Variants in GPC5 observed in about 807,000 individuals in gnomAD.
The protein encoded by GPC5 is glypican-5.
GPC5 carries 47 observed loss-of-function variants against 53.9 expected under a neutral mutation model. The observed-to-expected ratio is 0.87, with a 90% CI of 0.69 to 1.11. The LOEUF (loss-of-function observed/expected upper bound fraction) is 1.11, where lower values mean the gene tolerates loss of function less well. GPC5 is among the 50% of genes most tolerant of loss of function. GPC5 has a pLI of 0.00. For missense variants in GPC5, 748 were observed against 713.1 expected, an observed-to-expected ratio of 1.05 and a Z score of -0.56; for synonymous variants, 286 against 263.3, an observed-to-expected ratio of 1.09 and a Z score of -0.84.
intron 2 of GPC5, among the ~76,000 whole-genome samples, chr13:91,580,574 A>T (rs1448211214): frequency 6.6e-6 from 1 of 152,110 alleles, no homozygotes; most frequent in African/African-American, 2.4e-5. Context: ...CTTTACTTAC[A>T]TCATAAGCAG....
At chr13:91,532,730 G>T (rs1405182744) in intron 2 of GPC5, among the ~76,000 whole-genome samples, 5 of 151,970 alleles carry the variant, frequency 3.3e-5, no homozygotes, top group Non-Finnish European at 5.9e-5. Context: ...AGCCAGCATG[G>T]TGGTGCGCAC....
intron 5 of GPC5, among the ~76,000 whole-genome samples, chr13:91,886,575 A>C (rs1349825916): frequency 6.6e-6 from 1 of 152,208 alleles, no homozygotes; most frequent in East Asian, 1.9e-4. Flanking sequence ...AAGCCTGTAA[A>C]ACTGAAAGCA....
intron 2 of GPC5, among the ~76,000 whole-genome samples, chr13:91,613,353 C>T (rs992342881): frequency 9.9e-5 from 15 of 152,078 alleles, no homozygotes; most frequent in East Asian, 5.8e-4. Flanking sequence ...TTTATAAAAC[C>T]GTCAGATTTA....
chr13:92,460,308 A>G (rs1277621929), intron 7 of GPC5, among the ~76,000 whole-genome samples: 1 of 152,174 alleles, frequency 6.6e-6, no homozygotes, highest in Non-Finnish European at 1.5e-5. Flanking sequence ...ACTAAAATCA[A>G]TGTATTTTAA....
chr13:91,630,141 G>C (rs531094678), intron 2 of GPC5, among the ~76,000 whole-genome samples: 1 of 152,222 alleles, frequency 6.6e-6, no homozygotes, highest in South Asian at 2.1e-4. Context: ...ATTAGGGACT[G>C]TATTAATATT....
intron 5 of GPC5, among the ~76,000 whole-genome samples, chr13:91,801,061 T>G (rs753639039): frequency 6.6e-5 from 10 of 152,164 alleles, no homozygotes; most frequent in Non-Finnish European, 1.5e-4. Flanking sequence ...TCTGCCTTTT[T>G]CTCTTAGCTT....
chr13:92,479,492 A>G (rs565669123), intron 7 of GPC5, among the ~76,000 whole-genome samples: 1 of 152,308 alleles, frequency 6.6e-6, no homozygotes, highest in South Asian at 2.1e-4. Flanking sequence ...CTGAGGAGAG[A>G]ATTCAGGTGA....
intron 6 of GPC5, among the ~76,000 whole-genome samples, chr13:92,088,211 C>T (rs1031980652): frequency 5.9e-5 from 9 of 152,172 alleles, no homozygotes; most frequent in Admixed American, 2.0e-4. Flanking sequence ...ACCGAAGCTG[C>T]TCTTCCATAC....
At chr13:92,535,519 G>A (rs903792050) in intron 7 of GPC5, among the ~76,000 whole-genome samples, 2 of 152,030 alleles carry the variant, frequency 1.3e-5, no homozygotes, top group African/African-American at 4.8e-5. Flanking sequence ...GATGAATGAG[G>A]GTTCTGGCAT....
chr13:92,103,503 A>G (rs962367740), intron 6 of GPC5, among the ~76,000 whole-genome samples: 3 of 152,164 alleles, frequency 2.0e-5, no homozygotes, highest in Admixed American at 6.6e-5. Context: ...TGAAAGATCA[A>G]TGTAGCACTG....
chr13:91,980,516 A>C (rs1177595058), intron 6 of GPC5, among the ~76,000 whole-genome samples: 1 of 152,118 alleles, frequency 6.6e-6, no homozygotes, highest in Non-Finnish European at 1.5e-5. Context: ...TTCCCATAAA[A>C]TCAACACCAT....
At chr13:91,497,890 A>G (rs1028347695) in intron 2 of GPC5, among the ~76,000 whole-genome samples, 7 of 152,294 alleles carry the variant, frequency 4.6e-5, no homozygotes, top group South Asian at 4.1e-4. Flanking sequence ...TGATAATCAT[A>G]TCATGGAAAG....
chr13:91,777,326 G>A lies in GPC5; in HGVS notation c.1280+20906G>A, dbSNP rs190448242. 7.7e-3 allele frequency among the ~76,000 whole-genome samples: 1,168 copies of A among 152,226 alleles called. 11 individuals are homozygous for A. Among genetic ancestry groups the A allele is most frequent in the Non-Finnish European group, 0.012 (839 of 68,018 alleles). On this transcript the variant is annotated intron_variant, in intron 5 of 7. Coordinates refer to ENST00000377067, the MANE Select transcript of GPC5 (RefSeq NM_004466.6). ...TTTTTTGAACTAGTAATTGTTGTATGAAAAAGTTAGTTATCTGCTTCTGTT... is the reference window on the plus strand; with the variant it reads ...TTTTTTGAACTAGTAATTGTTGTATAAAAAAGTTAGTTATCTGCTTCTGTT...
chr13:91,980,060 C>T (rs1265475646), intron 6 of GPC5, among the ~76,000 whole-genome samples: 1 of 152,068 alleles, frequency 6.6e-6, no homozygotes, highest in Non-Finnish European at 1.5e-5. Context: ...GGCCCAGAGT[C>T]CCATATTTAT....
intron 7 of GPC5, among the ~76,000 whole-genome samples, chr13:92,541,573 C>CT (rs71123410): frequency 0.14 from 21,684 of 151,206 alleles, 2,053 homozygotes; most frequent in Non-Finnish European, 0.21. Context: ...CTAGAAATAG[C>CT]TTTTTTTTGC....
intron 7 of GPC5, among the ~76,000 whole-genome samples, chr13:92,522,119 C>T (rs942770373): frequency 6.6e-6 from 1 of 152,140 alleles, no homozygotes; most frequent in East Asian, 1.9e-4. Context: ...CAGGAAACAA[C>T]AGGTGCTGGA....
At chr13:92,788,455 CAG>C (rs1354519204) in intron 7 of GPC5, among the ~76,000 whole-genome samples, 1 of 152,086 alleles carries the variant, frequency 6.6e-6, no homozygotes, top group African/African-American at 2.4e-5. Flanking sequence ...CATCTTTTGA[CAG>C]TGGCAATTAG....
At chr13:91,895,890 C>A (rs1435775570) in intron 5 of GPC5, among the ~76,000 whole-genome samples, 1 of 152,062 alleles carries the variant, frequency 6.6e-6, no homozygotes, top group African/African-American at 2.4e-5. Flanking sequence ...TAAAACCAAG[C>A]TCCCTCTAAT....
At chr13:92,071,341 T>G (rs2041209681) in intron 6 of GPC5, among the ~76,000 whole-genome samples, 1 of 152,184 alleles carries the variant, frequency 6.6e-6, no homozygotes, top group Non-Finnish European at 1.5e-5. Flanking sequence ...TCATATAGAT[T>G]CTTCTTGAAT....
Sources: allele counts gnomAD v4.1 joint callset (sites outside exome capture counted in the v4.1 genomes callset), GRCh38; gene constraint gnomAD v4.1.1; transcripts MANE v1.5; gene names NCBI Gene and HGNC (gene_info 2026-07-23, HGNC 2026-07-21).